CATSPERE: variants seen among roughly 807,000 people sequenced by gnomAD.
The protein encoded by CATSPERE is cation channel sperm-associated auxiliary subunit epsilon.
Under a neutral mutation model 114.1 loss-of-function variants are expected in CATSPERE, and 93 were observed. The observed-to-expected ratio is 0.81, with a 90% CI of 0.69 to 0.97. The LOEUF is 0.97. Among genes scored for constraint, CATSPERE ranks in the 50% least tolerant of loss-of-function variants. The pLI is 0.00. For synonymous variants in CATSPERE, 341 were observed against 384.1 expected (o/e 0.89, Z 1.31); for missense variants, 1,058 against 1,131.6 (o/e 0.93, Z 0.93).
intron 7 of CATSPERE, among the ~76,000 whole-genome samples, chr1:244,502,079 T>TTCGG (rs1674127419): frequency 1.3e-5 from 2 of 152,162 alleles, no homozygotes; most frequent in African/African-American, 4.8e-5. Context: ...CATAACCGAA[T>TTCGG]CAGGGCTTTT....
chr1:244,474,932 G>T (rs867677192), intron 2 of CATSPERE, among the ~76,000 whole-genome samples: 6 of 151,394 alleles, frequency 4.0e-5, no homozygotes, highest in African/African-American at 1.5e-4. Flanking sequence ...TTTATAGAGA[G>T]GGGTCTCCCT....
chr1:244,566,649 CTGCTTTTTTTTTTTTT>C (rs1663555636), intron 10 of CATSPERE, among the ~76,000 whole-genome samples: 1 of 69,912 alleles, frequency 1.4e-5, no homozygotes, highest in Non-Finnish European at 3.2e-5. Context: ...ATTGCAACCC[CTGCTTTTTTTTTTTTT>C]TTTTTTTTTT....
At chr1:244,574,570 T>C (rs1482951875) in intron 11 of CATSPERE, among the ~76,000 whole-genome samples, 1 of 152,212 alleles carries the variant, frequency 6.6e-6, no homozygotes, top group African/African-American at 2.4e-5. Context: ...CTTAGCTGTT[T>C]TGCTTGAGTT....
upstream of CATSPERE, among the ~76,000 whole-genome samples, chr1:244,456,402 A>C (rs1008403362): frequency 6.6e-6 from 1 of 152,084 alleles, no homozygotes; most frequent in Non-Finnish European, 1.5e-5. Flanking sequence ...ACAGGTGCTG[A>C]ATCTTCTCTC....
intron 13 of CATSPERE, 35 bp downstream of exon 13, chr1:244,583,974 C>A: frequency 6.3e-7 from 1 of 1,582,954 alleles, no homozygotes; most frequent in Non-Finnish European, 8.7e-7. Flanking sequence ...AAATATTTCA[C>A]TTCAAGAATG....
intron 13 of CATSPERE, among the ~76,000 whole-genome samples, chr1:244,585,304 A>G (rs1280092551): frequency 1.3e-5 from 2 of 152,200 alleles, no homozygotes; most frequent in African/African-American, 2.4e-5. Context: ...TGCCTATTAC[A>G]TAGTAATTAT....
intron 11 of CATSPERE, among the ~76,000 whole-genome samples, chr1:244,581,242 T>C (rs1044816556): frequency 6.6e-6 from 1 of 152,220 alleles, no homozygotes; most frequent in African/African-American, 2.4e-5. Flanking sequence ...TTTCTGTAGC[T>C]GTCATTCATT....
intron 5 of CATSPERE, among the ~76,000 whole-genome samples, chr1:244,480,632 G>GAGCCT (rs779298286): frequency 0.41 from 61,738 of 150,922 alleles, 13,197 homozygotes; most frequent in East Asian, 0.73. Context: ...AGTAAAGCAT[G>GAGCCT]GTTGTTGCTG....
intron 13 of CATSPERE, among the ~76,000 whole-genome samples, chr1:244,584,652 A>C (rs1666760609): frequency 6.6e-6 from 1 of 152,118 alleles, no homozygotes; most frequent in Non-Finnish European, 1.5e-5. Flanking sequence ...AACATTCAGT[A>C]AACATATATG....
At chr1:244,579,184 A>G (rs1665793790) in intron 11 of CATSPERE, among the ~76,000 whole-genome samples, 1 of 152,312 alleles carries the variant, frequency 6.6e-6, no homozygotes, top group Non-Finnish European at 1.5e-5. Flanking sequence ...ACAACACTTG[A>G]GCTCACAGCA....
intron 5 of CATSPERE, among the ~76,000 whole-genome samples, chr1:244,490,234 C>T (rs2148219820): frequency 6.6e-6 from 1 of 152,292 alleles, no homozygotes; most frequent in South Asian, 2.1e-4. Flanking sequence ...GCCACTCAGC[C>T]TTCTGTGATG....
intron 12 of CATSPERE, among the ~76,000 whole-genome samples, chr1:244,583,083 T>C (rs1410377923): frequency 3.3e-5 from 5 of 152,104 alleles, no homozygotes; most frequent in African/African-American, 1.2e-4. Context: ...CACCAACTTA[T>C]CTCTTTATGC....
intron 14 of CATSPERE, among the ~76,000 whole-genome samples, chr1:244,589,397 T>A (rs1014699590): frequency 1.3e-5 from 2 of 152,250 alleles, no homozygotes; most frequent in African/African-American, 4.8e-5. Flanking sequence ...TCATTCAGCA[T>A]TTCCTAAATT....
intron 9 of CATSPERE, among the ~76,000 whole-genome samples, chr1:244,557,895 G>A (rs1443033306): frequency 1.3e-5 from 2 of 151,330 alleles, no homozygotes; most frequent in South Asian, 4.2e-4. Flanking sequence ...ATTTCAGCTT[G>A]TATACACTTG....
At chr1:244,576,300 C>T (rs1407472778) in intron 11 of CATSPERE, among the ~76,000 whole-genome samples, 1 of 151,762 alleles carries the variant, frequency 6.6e-6, no homozygotes, top group East Asian at 2.0e-4. Flanking sequence ...TAGAGACTGC[C>T]CCCAGAGGAA....
At chr1:244,543,274 TATAC>T (rs1234825784) in intron 8 of CATSPERE, among the ~76,000 whole-genome samples, 1 of 152,104 alleles carries the variant, frequency 6.6e-6, no homozygotes, top group Non-Finnish European at 1.5e-5. Context: ...GTGATATATA[TATAC>T]ACACAGTGGA....
intron 11 of CATSPERE, among the ~76,000 whole-genome samples, chr1:244,577,739 G>A (rs529248214): frequency 6.6e-6 from 1 of 152,158 alleles, no homozygotes; most frequent in Admixed American, 6.5e-5. Context: ...TTGGTGATCA[G>A]GTTTTAACAC....
At position 244,575,449 on chromosome 1, in the gene CATSPERE, A is replaced by C. The variant is rs1228258317; in HGVS notation, c.1950+2677A>C. ...CACTCACACTTTCCTGCTCAGCTCT[A>C]ACTTGCAGGCGTCCATGGCCAGCTG... On this transcript the variant is annotated intron_variant, in intron 11 of 21. Transcript: ENST00000366534. This position sits in a 1 kb window ranked among gnomAD's most constrained non-coding sequence, Gnocchi z 4.5. Among the ~76,000 whole-genome samples the C allele has an allele frequency of 6.6e-6, 1 of 152,178 alleles. No homozygotes were observed. The highest frequency in any genetic ancestry group is 1.5e-5 in the Non-Finnish European group (1 of 68,020).
chr1:244,510,543 G>A (rs1367076324), intron 7 of CATSPERE, among the ~76,000 whole-genome samples: 2 of 152,124 alleles, frequency 1.3e-5, no homozygotes, highest in Non-Finnish European at 2.9e-5. Flanking sequence ...GCCACTTCTG[G>A]AGAACATTTC....
Sources: gnomAD v4.1 joint callset for allele counts (sites outside exome capture counted in the v4.1 genomes callset) on GRCh38, gnomAD v4.1.1 for gene constraint, Gnocchi (gnomAD v3.1) non-coding constraint, MANE v1.5 for transcripts, NCBI Gene and HGNC (gene_info 2026-07-23, HGNC 2026-07-21) for gene names.